Variants in DDR2 observed in about 807,000 individuals in gnomAD.
DDR2 encodes the protein discoidin domain-containing receptor 2.
DDR2 carries 27 observed loss-of-function variants against 94.9 expected under a neutral mutation model. The ratio of observed to expected loss-of-function variants is 0.28; its 90% confidence interval spans 0.21 to 0.39. The LOEUF (loss-of-function observed/expected upper bound fraction) is 0.39, where lower values mean the gene tolerates loss of function less well. Ranked by LOEUF, DDR2 falls within the 10% of genes least tolerant of loss-of-function variation. DDR2 has a pLI of 1.00. For missense variants in DDR2, 783 were observed against 1,076.0 expected, an observed-to-expected ratio of 0.73 and a Z score of 3.81; for synonymous variants, 382 against 377.2, an observed-to-expected ratio of 1.01 and a Z score of -0.15.
chr1:162,770,257 T>A lies in DDR2; in HGVS notation c.1294-45T>A, dbSNP rs1311054020. The A allele has an allele frequency of 2.5e-6, 4 of 1,580,392 alleles. No homozygotes were observed. The Admixed American group carries it at 6.7e-5, about 26-fold the overall frequency. ...GTTTAAGAAGAGGAGGCATTGACCA[T>A]CTCTTTTGTGCCAACATGCCTTTCT... On this transcript the variant is annotated intron_variant, in intron 11 of 17. Transcript: ENST00000367921.
intron 3 of DDR2, among the ~76,000 whole-genome samples, chr1:162,741,175 A>AAC (rs1662568220): frequency 6.9e-6 from 1 of 144,800 alleles, no homozygotes; most frequent in African/African-American, 2.6e-5. Flanking sequence ...AATATAATAT[A>AAC]ATATAATATA....
chr1:162,699,694 T>G (rs548504776), intron 2 of DDR2, among the ~76,000 whole-genome samples: 1 of 151,786 alleles, frequency 6.6e-6, no homozygotes, highest in Non-Finnish European at 1.5e-5. Flanking sequence ...TGAATTCAGC[T>G]TCTCTTAATC....
At chr1:162,773,732 T>G in intron 14 of DDR2, 136 bp downstream of exon 14, 1 of 1,191,054 alleles carries the variant, frequency 8.4e-7, no homozygotes. Flanking sequence ...ACTGTTATCC[T>G]TTTTCTTATT....
chr1:162,700,857 G>A (rs937694902), intron 2 of DDR2, among the ~76,000 whole-genome samples: 4 of 152,132 alleles, frequency 2.6e-5, no homozygotes, highest in Admixed American at 6.6e-5. Flanking sequence ...ATAGCTACTG[G>A]TTGAGACAGA....
intron 2 of DDR2, among the ~76,000 whole-genome samples, chr1:162,667,011 T>C (rs1658611611): frequency 6.6e-6 from 1 of 151,486 alleles, no homozygotes; most frequent in Non-Finnish European, 1.5e-5. Context: ...TACACACATA[T>C]CATTTTCAAA....
intron 1 of DDR2, among the ~76,000 whole-genome samples, chr1:162,652,093 C>A (rs994067187): frequency 2.0e-5 from 3 of 152,226 alleles, no homozygotes; most frequent in Admixed American, 1.3e-4. Flanking sequence ...GGAATTCTGA[C>A]TCTGCCCTTG....
chr1:162,761,670 TAGAA>T (rs1571304951), intron 9 of DDR2, among the ~76,000 whole-genome samples: 1 of 152,210 alleles, frequency 6.6e-6, no homozygotes, highest in Admixed American at 6.5e-5. Flanking sequence ...TAACTCTTCT[TAGAA>T]AGAATGTTTT....
intron 1 of DDR2, among the ~76,000 whole-genome samples, chr1:162,639,278 G>A (rs577904871): frequency 3.0e-4 from 45 of 152,286 alleles, no homozygotes; most frequent in African/African-American, 1.0e-3. Flanking sequence ...TGTGGTACTG[G>A]TGAAAAAATA....
intron 17 of DDR2, among the ~76,000 whole-genome samples, chr1:162,779,320 G>A (rs1192476340): frequency 6.6e-6 from 1 of 152,028 alleles, no homozygotes; most frequent in Non-Finnish European, 1.5e-5. Context: ...TTTTTTTTGG[G>A]TGGCTTAGAT....
At position 162,755,338 on chromosome 1, in the gene DDR2, T is replaced by A. The variant is rs769554930; in HGVS notation, c.565+35T>A. 27 of 1,612,574 alleles carry A rather than the reference T, an allele frequency of 1.7e-5. 1 individual carries two copies. The South Asian group carries it at 2.9e-4, about 17-fold the overall frequency. On this transcript the variant is annotated intron_variant, in intron 6 of 17. Transcript: ENST00000367921. Reference sequence around the variant, plus strand: ...TAGCCCAGGAAGCCTATAGACTTTATTAAAAACTCCAACTTCTGGGAAATG... The same window carrying A: ...TAGCCCAGGAAGCCTATAGACTTTAATAAAAACTCCAACTTCTGGGAAATG...
intron 17 of DDR2, among the ~76,000 whole-genome samples, chr1:162,779,698 A>T (rs1472648422): frequency 6.6e-6 from 1 of 152,144 alleles, no homozygotes; most frequent in Non-Finnish European, 1.5e-5. Flanking sequence ...AGGAAAATTT[A>T]CTCCTGAGTA....
At chr1:162,775,373 T>C (rs1647473635) in intron 14 of DDR2, among the ~76,000 whole-genome samples, 2 of 152,230 alleles carry the variant, frequency 1.3e-5, no homozygotes, top group Admixed American at 6.5e-5. Flanking sequence ...TTAATCACTT[T>C]CTGTGTGGCA....
intron 2 of DDR2, among the ~76,000 whole-genome samples, chr1:162,678,418 A>G (rs72709725): frequency 0.061 from 9,311 of 152,318 alleles, 354 homozygotes; most frequent in Admixed American, 0.081. Flanking sequence ...TTTGGTTGCT[A>G]AAGGTCTGTC....
rs1648013978 is a variant in DDR2 at position 162,783,470 on chromosome 1, A to AG, written c.*3228dup. The AG allele has an allele frequency of 6.6e-6, 1 of 152,176 alleles. No individual in the cohort carries two copies. Among genetic ancestry groups the AG allele is most frequent in the South Asian group, 2.1e-4 (1 of 4,832 alleles). 9.4% of individuals were successfully genotyped at this position (152,176 alleles called of 1,614,324 possible). A position where few individuals can be genotyped will look rare whatever the true frequency, so the allele number is the denominator to read the frequency against. Reference sequence around the variant, plus strand: ...GGGCTAGAAAGGAGGCTACATAAAAAGGGGCAATGGAGAATGCACAGGAAA... The same window carrying AG: ...GGGCTAGAAAGGAGGCTACATAAAAAGGGGGCAATGGAGAATGCACAGGAAA... On this transcript the variant is annotated 3_prime_UTR_variant, in exon 18 of 18. Transcript: ENST00000367921.
intron 3 of DDR2, among the ~76,000 whole-genome samples, chr1:162,726,675 G>A (rs914771125): frequency 3.3e-5 from 5 of 152,132 alleles, no homozygotes; most frequent in Non-Finnish European, 7.3e-5. Context: ...TTCACACAAA[G>A]TCCCTTTTCT....
chr1:162,666,421 G>T (rs1276253582), intron 2 of DDR2, among the ~76,000 whole-genome samples: 1 of 152,202 alleles, frequency 6.6e-6, no homozygotes, highest in Admixed American at 6.5e-5. Flanking sequence ...GTGTGGCTTC[G>T]ATGGCAATGG....
chr1:162,639,834 A>G (rs972796831), intron 1 of DDR2, among the ~76,000 whole-genome samples: 5 of 152,238 alleles, frequency 3.3e-5, no homozygotes, highest in African/African-American at 1.2e-4. Flanking sequence ...TTCATTGGAC[A>G]AAACTATGGA....
intron 1 of DDR2, among the ~76,000 whole-genome samples, chr1:162,650,550 T>C (rs577853348): frequency 2.0e-5 from 3 of 152,198 alleles, no homozygotes; most frequent in African/African-American, 7.2e-5. Context: ...GAACTAAGAC[T>C]GCACCACTGC....
intron 3 of DDR2, among the ~76,000 whole-genome samples, chr1:162,723,453 C>G (rs1558046752): frequency 1.3e-5 from 2 of 152,124 alleles, no homozygotes; most frequent in Admixed American, 6.5e-5. Flanking sequence ...GAGTGGACAT[C>G]AGTGTCAGGC....
Sources: gnomAD v4.1 joint callset for allele counts (sites outside exome capture counted in the v4.1 genomes callset) on GRCh38, gnomAD v4.1.1 for gene constraint, MANE v1.5 for transcripts, NCBI Gene and HGNC (gene_info 2026-07-23, HGNC 2026-07-21) for gene names.